Variants in SGCZ observed in about 807,000 individuals in gnomAD.
SGCZ encodes the protein zeta-sarcoglycan.
A neutral mutation model predicts 41.3 loss-of-function variants in SGCZ; 40 were observed. That is an observed-to-expected ratio of 0.97 (90% CI 0.75 to 1.26). The LOEUF (loss-of-function observed/expected upper bound fraction) is 1.26, where lower values mean the gene tolerates loss of function less well. Ranked by LOEUF, SGCZ falls within the 50% of genes most tolerant of loss-of-function variation. The probability of loss-of-function intolerance (pLI) is 0.00; values close to 1 mark genes in which losing one functional copy is unlikely to be tolerated. For synonymous variants in SGCZ, 206 were observed against 137.5 expected, an observed-to-expected ratio of 1.50 and a Z score of -3.49; for missense variants, 552 against 369.8, an observed-to-expected ratio of 1.49 and a Z score of -4.04.
chr8:14,732,583 G>A (rs573630773), intron 1 of SGCZ, among the ~76,000 whole-genome samples: 4 of 152,294 alleles, frequency 2.6e-5, no homozygotes, highest in African/African-American at 9.6e-5. Context: ...CACTGCAGGT[G>A]TAATCAGCAA....
At chr8:14,998,590 T>A (rs1314851674) in intron 1 of SGCZ, among the ~76,000 whole-genome samples, 1 of 152,202 alleles carries the variant, frequency 6.6e-6, no homozygotes, top group Admixed American at 6.5e-5. Context: ...TCTGCCATAG[T>A]TTTAAAGTAG....
intron 1 of SGCZ, among the ~76,000 whole-genome samples, chr8:14,809,795 A>G (rs1025011130): frequency 1.3e-5 from 2 of 152,136 alleles, no homozygotes; most frequent in Non-Finnish European, 2.9e-5. Flanking sequence ...AATACAACAG[A>G]AAAGTCAACA....
intron 1 of SGCZ, among the ~76,000 whole-genome samples, chr8:14,702,772 G>A (rs912157225): frequency 3.7e-5 from 5 of 134,176 alleles, no homozygotes; most frequent in South Asian, 2.4e-4. Context: ...TAGATAGATA[G>A]ATAGATAGAC....
intron 2 of SGCZ, among the ~76,000 whole-genome samples, chr8:14,445,776 C>T (rs1383901882): frequency 6.6e-6 from 1 of 152,186 alleles, no homozygotes; most frequent in African/African-American, 2.4e-5. Flanking sequence ...AGCTGTTAGT[C>T]TGCAGACAGT....
chr8:15,021,023 C>A (rs980007614), intron 1 of SGCZ, among the ~76,000 whole-genome samples: 1 of 152,110 alleles, frequency 6.6e-6, no homozygotes, highest in African/African-American at 2.4e-5. Flanking sequence ...TGTACAGAAA[C>A]TTTAGACAGT....
intron 1 of SGCZ, among the ~76,000 whole-genome samples, chr8:14,587,722 T>A (rs191383005): frequency 6.6e-6 from 1 of 152,330 alleles, no homozygotes; most frequent in East Asian, 1.9e-4. Flanking sequence ...CTTAGGTCAC[T>A]GATTTTTAAA....
At chr8:14,430,577 C>CG (rs1799916267) in intron 2 of SGCZ, among the ~76,000 whole-genome samples, 2 of 152,066 alleles carry the variant, frequency 1.3e-5, no homozygotes, top group African/African-American at 4.8e-5. Context: ...AACAAACCCA[C>CG]GGCCAACATA....
chr8:14,893,217 G>A (rs950966107), intron 1 of SGCZ, among the ~76,000 whole-genome samples: 5 of 152,126 alleles, frequency 3.3e-5, no homozygotes, highest in Non-Finnish European at 7.3e-5. Context: ...GGGTCAGAGA[G>A]ATGCTACATT....
At chr8:14,443,103 G>A (rs547274341) in intron 2 of SGCZ, among the ~76,000 whole-genome samples, 1 of 152,140 alleles carries the variant, frequency 6.6e-6, no homozygotes, top group African/African-American at 2.4e-5. Flanking sequence ...CAACTTACAA[G>A]GGACATGAAG....
chr8:15,093,325 G>C (rs763249358), intron 1 of SGCZ, among the ~76,000 whole-genome samples: 7 of 152,162 alleles, frequency 4.6e-5, no homozygotes, highest in Non-Finnish European at 1.0e-4. Context: ...CAGGAATTGA[G>C]CTGGTTATTC....
At chr8:15,054,935 C>A (rs1804649392) in intron 1 of SGCZ, among the ~76,000 whole-genome samples, 1 of 149,810 alleles carries the variant, frequency 6.7e-6, no homozygotes, top group Non-Finnish European at 1.5e-5. Flanking sequence ...GCACTCCAGC[C>A]TGGGCAACAG....
intron 1 of SGCZ, among the ~76,000 whole-genome samples, chr8:14,675,933 T>C (rs1471188427): frequency 2.0e-5 from 3 of 152,172 alleles, no homozygotes; most frequent in Admixed American, 1.3e-4. Context: ...GGTGAGAATT[T>C]TGACCAGAAT....
chr8:14,611,185 A>G (rs956831593), intron 1 of SGCZ, among the ~76,000 whole-genome samples: 5 of 152,176 alleles, frequency 3.3e-5, no homozygotes, highest in African/African-American at 1.2e-4. Flanking sequence ...AGTGATACTT[A>G]CTTTGCTCTT....
chr8:15,016,182 C>A (rs1454826972), intron 1 of SGCZ, among the ~76,000 whole-genome samples: 1 of 152,112 alleles, frequency 6.6e-6, no homozygotes, highest in African/African-American at 2.4e-5. Context: ...TCTGGAAGCG[C>A]CTTACATGGA....
intron 1 of SGCZ, among the ~76,000 whole-genome samples, chr8:14,652,121 G>T (rs562190501): frequency 1.3e-5 from 2 of 151,858 alleles, no homozygotes; most frequent in Admixed American, 1.3e-4. Context: ...ATAAATGCAT[G>T]ATAAATTATG....
chr8:14,618,433 A>T (rs1419910630), intron 1 of SGCZ, among the ~76,000 whole-genome samples: 1 of 152,174 alleles, frequency 6.6e-6, no homozygotes, highest in Non-Finnish European at 1.5e-5. Flanking sequence ...CAGAAAGTCC[A>T]GTATAGAGGT....
intron 3 of SGCZ, among the ~76,000 whole-genome samples, chr8:14,256,049 T>C (rs1799453251): frequency 6.6e-6 from 1 of 152,128 alleles, no homozygotes. Flanking sequence ...AGTGATTGCT[T>C]GATATACCTC....
At chr8:14,989,661 G>T (rs11994486) in intron 1 of SGCZ, among the ~76,000 whole-genome samples, 1 of 152,038 alleles carries the variant, frequency 6.6e-6, no homozygotes, top group Non-Finnish European at 1.5e-5. Context: ...CTAATCATAT[G>T]TCAGTACAGA....
chr8:14,874,281 T>C (rs1804267565), intron 1 of SGCZ, among the ~76,000 whole-genome samples: 1 of 152,154 alleles, frequency 6.6e-6, no homozygotes. Flanking sequence ...TGCTGTACTG[T>C]TTAATTAGAC....
Sources: allele counts gnomAD v4.1 joint callset (sites outside exome capture counted in the v4.1 genomes callset), GRCh38; gene constraint gnomAD v4.1.1; transcripts MANE v1.5; gene names NCBI Gene and HGNC (gene_info 2026-07-23, HGNC 2026-07-21).